SLC12A8: variants seen among roughly 807,000 people sequenced by gnomAD.
The protein encoded by SLC12A8 is solute carrier family 12 member 8, also known as cation-chloride cotransporter 9.
A neutral mutation model predicts 75.6 loss-of-function variants in SLC12A8; 69 were observed. That is an observed-to-expected ratio of 0.91 (90% CI 0.75 to 1.11). The LOEUF is 1.11. SLC12A8 is among the 50% of genes most tolerant of loss of function. The pLI is 0.00. For missense variants in SLC12A8, 877 were observed against 896.7 expected (o/e 0.98, Z 0.28); for synonymous variants, 365 against 372.8 (o/e 0.98, Z 0.24).
intron 6 of SLC12A8, among the ~76,000 whole-genome samples, chr3:125,131,270 G>A (rs1933349454): frequency 6.6e-6 from 1 of 152,154 alleles, no homozygotes; most frequent in African/African-American, 2.4e-5. Context: ...ATTTTGGAGG[G>A]AAACAGAAAA....
chr3:125,144,936 T>C (rs1933735759), intron 5 of SLC12A8, among the ~76,000 whole-genome samples: 1 of 152,136 alleles, frequency 6.6e-6, no homozygotes, highest in Admixed American at 6.6e-5. Flanking sequence ...AATATTCACA[T>C]GCTCAGACCC....
intron 5 of SLC12A8, among the ~76,000 whole-genome samples, chr3:125,162,604 C>G (rs1934198842): frequency 6.6e-6 from 1 of 152,222 alleles, no homozygotes; most frequent in South Asian, 2.1e-4. Context: ...TAAGAACTTT[C>G]TTGTCACAGC....
chr3:125,198,196 CA>C (rs996393395), intron 2 of SLC12A8, among the ~76,000 whole-genome samples: 1 of 105,776 alleles, frequency 9.5e-6, no homozygotes, highest in South Asian at 3.2e-4. Flanking sequence ...CTATAAAATA[CA>C]AAAAAACAAA....
rs1938382619 is a variant in SLC12A8, at chr3:125,083,603, T to G, written c.*287A>C. Reference sequence around the variant, plus strand: ...TGGGTGTGGTGGTGCATGCCTATAATCCCAGCTACTCAGGAGGCTGAGGCA... The same window carrying G: ...TGGGTGTGGTGGTGCATGCCTATAAGCCCAGCTACTCAGGAGGCTGAGGCA... On this transcript the variant is annotated 3_prime_UTR_variant, in exon 14 of 14. Coordinates refer to ENST00000469902, the MANE Select transcript of SLC12A8 (RefSeq NM_024628.6). 3 of 283,356 alleles carry G rather than the reference T, an allele frequency of 1.1e-5. No homozygotes were observed. The highest frequency in any genetic ancestry group is 6.7e-6 in the Non-Finnish European group (1 of 148,448). The allele number at this position is 283,356 out of a possible 1,614,324, so 17.6% of individuals were successfully genotyped here.
intron 6 of SLC12A8, among the ~76,000 whole-genome samples, chr3:125,132,379 T>C (rs1933381485): frequency 6.6e-6 from 1 of 152,130 alleles, no homozygotes; most frequent in Non-Finnish European, 1.5e-5. Context: ...TTAAGAAAAG[T>C]CAGGCAGGAA....
intron 2 of SLC12A8, among the ~76,000 whole-genome samples, chr3:125,201,273 AT>A (rs1318953849): frequency 6.6e-6 from 1 of 152,026 alleles, no homozygotes; most frequent in African/African-American, 2.4e-5. Context: ...ACATGGTGGC[AT>A]GTGCTGTGGT....
chr3:125,192,860 G>A (rs1303272239), intron 2 of SLC12A8, among the ~76,000 whole-genome samples: 1 of 152,140 alleles, frequency 6.6e-6, no homozygotes, highest in East Asian at 1.9e-4. Flanking sequence ...GAAGAGCGTA[G>A]GTTTGACTCC....
intron 5 of SLC12A8, among the ~76,000 whole-genome samples, chr3:125,153,892 C>T (rs561692953): frequency 4.6e-5 from 7 of 152,180 alleles, no homozygotes; most frequent in Non-Finnish European, 2.9e-5. Flanking sequence ...GGGTTACAGG[C>T]GCGTGACACC....
At chr3:125,200,009 C>A (rs557052292) in intron 2 of SLC12A8, among the ~76,000 whole-genome samples, 1 of 152,142 alleles carries the variant, frequency 6.6e-6, no homozygotes, top group East Asian at 1.9e-4. Flanking sequence ...ACAGTGAGAA[C>A]AATTAGAAGA....
intron 5 of SLC12A8, among the ~76,000 whole-genome samples, chr3:125,155,621 A>ATTAGCCGTGTGTG (rs578023995): frequency 1.7e-5 from 2 of 120,706 alleles, no homozygotes; most frequent in Admixed American, 8.7e-5. Flanking sequence ...AATACAAAAA[A>ATTAGCCGTGTGTG]GTAGCTGTAG....
At chr3:125,170,623 A>G (rs1474899922) in intron 5 of SLC12A8, among the ~76,000 whole-genome samples, 1 of 152,208 alleles carries the variant, frequency 6.6e-6, no homozygotes, top group Non-Finnish European at 1.5e-5. Context: ...TGTATACAAA[A>G]TAGACTGGGG....
chr3:125,173,715 C>A (rs1934458661), intron 5 of SLC12A8, among the ~76,000 whole-genome samples: 1 of 152,140 alleles, frequency 6.6e-6, no homozygotes, highest in Non-Finnish European at 1.5e-5. Flanking sequence ...AATGAAAGAA[C>A]CAACCACAGA....
intron 2 of SLC12A8, among the ~76,000 whole-genome samples, chr3:125,204,934 T>G (rs1050562577): frequency 6.6e-6 from 1 of 152,180 alleles, no homozygotes; most frequent in Non-Finnish European, 1.5e-5. Context: ...TAGTCAATTC[T>G]CAGAGAGAGC....
chr3:125,126,960 C>G (rs1933225034), intron 6 of SLC12A8, among the ~76,000 whole-genome samples: 1 of 152,084 alleles, frequency 6.6e-6, no homozygotes, highest in African/African-American at 2.4e-5. Context: ...CCCTGCTTTC[C>G]TCACCTGTAA....
chr3:125,180,352 T>G (rs1034708996), intron 4 of SLC12A8, among the ~76,000 whole-genome samples: 1 of 152,210 alleles, frequency 6.6e-6, no homozygotes, highest in African/African-American at 2.4e-5. Context: ...AAAAGGTTAC[T>G]GTGAGAACTA....
chr3:125,119,140 A>T, intron 7 of SLC12A8: 2 of 262,466 alleles, frequency 7.6e-6, no homozygotes, highest in Admixed American at 4.9e-5. Context: ...ATCCTTGCAC[A>T]TGGGCCATGC....
chr3:125,212,396 TCCGCAGGCCGCC>T (rs1469340274), intron 1 of SLC12A8, among the ~76,000 whole-genome samples: 5 of 151,036 alleles, frequency 3.3e-5, no homozygotes, highest in Non-Finnish European at 4.4e-5. Context: ...CCCCGCGGCC[TCCGCAGGCCGCC>T]CCGCAGGCCT....
intron 5 of SLC12A8, among the ~76,000 whole-genome samples, 178 bp downstream of exon 5, chr3:125,177,555 GAGGAGCTTCT>G (rs1434782151): frequency 6.6e-6 from 1 of 152,104 alleles, no homozygotes; most frequent in Non-Finnish European, 1.5e-5. Flanking sequence ...TCTGTGTGAA[GAGGAGCTTCT>G]AGCCTCATGA....
intron 4 of SLC12A8, among the ~76,000 whole-genome samples, chr3:125,181,233 CA>C (rs1489118070): frequency 6.6e-6 from 1 of 152,076 alleles, no homozygotes; most frequent in African/African-American, 2.4e-5. Flanking sequence ...ATGTTTTATT[CA>C]AAAACTCAAG....
Sources: allele counts gnomAD v4.1 joint callset (sites outside exome capture counted in the v4.1 genomes callset), GRCh38; gene constraint gnomAD v4.1.1; transcripts MANE v1.5; gene names NCBI Gene and HGNC (gene_info 2026-07-23, HGNC 2026-07-21).